POFUT2: variants seen among roughly 807,000 people sequenced by gnomAD.
POFUT2 encodes the protein GDP-fucose protein O-fucosyltransferase 2.
Under a neutral mutation model 55.0 loss-of-function variants are expected in POFUT2, and 30 were observed. The ratio of observed to expected loss-of-function variants is 0.55; its 90% CI spans 0.41 to 0.74. POFUT2 has a LOEUF of 0.74. POFUT2 is among the 30% of genes least tolerant of loss of function. POFUT2 has a pLI of 0.00. For synonymous variants in POFUT2, 267 were observed against 231.1 expected, an observed-to-expected ratio of 1.16 and a Z score of -1.41; for missense variants, 524 against 562.6, an observed-to-expected ratio of 0.93 and a Z score of 0.69.
chr21:45,277,300 G>T lies in POFUT2; in HGVS notation c.706-158C>A. The T allele has an allele frequency of 1.0e-6, 1 of 980,596 alleles. No individual in the cohort carries two copies. The highest frequency in any genetic ancestry group is 1.5e-6 in the Non-Finnish European group (1 of 684,120). 60.7% of individuals were successfully genotyped at this position (980,596 alleles called of 1,614,324 possible). A position where few individuals can be genotyped will look rare whatever the true frequency, so the allele number is the denominator to read the frequency against. ...CGCCTGAGAAGCAGCGCCATCCACG[G>T]TGGAGGCTCTTGGAGGGTCTCCTGC... is the stretch of plus-strand genomic sequence containing the variant. On this transcript the variant is annotated intron_variant, in intron 5 of 8. Transcript: ENST00000349485. This position sits in a 1 kb window ranked among gnomAD's most constrained non-coding sequence, Gnocchi z 6.9.
intron 8 of POFUT2, chr21:45,266,041 G>A: frequency 8.2e-7 from 1 of 1,225,020 alleles, no homozygotes; most frequent in Non-Finnish European, 1.0e-6. Flanking sequence ...TCTAGCCAGG[G>A]CATGGCGGGT....
At chr21:45,279,921 C>T (rs567003832) in intron 4 of POFUT2, among the ~76,000 whole-genome samples, 1 of 152,344 alleles carries the variant, frequency 6.6e-6, no homozygotes, top group East Asian at 1.9e-4. Flanking sequence ...CAAAAGATGG[C>T]TGCATGCACA....
In POFUT2 at chr21:45,267,154, C is replaced by G. The variant is rs1224954052; in HGVS notation, c.1136+436G>C. 1 of 1,272,502 alleles carries G rather than the reference C, an allele frequency of 7.9e-7. No individual in the cohort carries two copies. Among genetic ancestry groups the G allele is most frequent in the Non-Finnish European group, 1.0e-6 (1 of 1,000,340 alleles). The allele number at this position is 1,272,502 out of a possible 1,614,324, so 78.8% of individuals were successfully genotyped here. ...AGCCTTGGGGACGCTCATGGCAGCC[C>G]CACGAGAATGATCACACGAGGGCCC... On this transcript the variant is annotated intron_variant, in intron 8 of 8. Coordinates refer to ENST00000349485, the MANE Select transcript of POFUT2 (RefSeq NM_133635.6). This position sits in a 1 kb window ranked among gnomAD's most constrained non-coding sequence, Gnocchi z 4.4.
At position 45,283,509 on chromosome 21, in the gene POFUT2, A is replaced by G. The variant is rs2031016851; in HGVS notation, c.401T>C (p.Ile134Thr). 1.2e-6 allele frequency: 2 copies of G among 1,613,846 alleles called. No individual in the cohort carries two copies. The highest frequency in any genetic ancestry group is 1.3e-5 in the African/African-American group (1 of 74,996). Residue 134 changes from isoleucine to threonine, a missense_variant, in exon 3 of 9, where the codon ATT becomes ACT. By Grantham distance (89) the Ile-to-Thr change is moderately conservative (BLOSUM62 -1). Coordinates refer to ENST00000349485, the MANE Select transcript of POFUT2 (RefSeq NM_133635.6). ...ACTTTGCAGGACGTAAACCTGGTCA[A>G]TAAAGGGCCCACCAGATTCTGAAAG... ...QFIAESGGPFIDQVYVLQSYA... is the reference protein window; with the variant it reads ...QFIAESGGPFTDQVYVLQSYA...
At chr21:45,276,775 CG>C (rs1233217933) in intron 6 of POFUT2, among the ~76,000 whole-genome samples, 2 of 152,138 alleles carry the variant, frequency 1.3e-5, no homozygotes, top group African/African-American at 2.4e-5. Flanking sequence ...CATGACTGCC[CG>C]TGTTACTAAA....
intron 7 of POFUT2, among the ~76,000 whole-genome samples, chr21:45,268,407 C>T (rs1329867290): frequency 4.6e-5 from 7 of 151,928 alleles, no homozygotes; most frequent in South Asian, 2.1e-4. Flanking sequence ...GCCGCCACCC[C>T]ATCTGGGAAG....
rs1277431380 is a variant in POFUT2 at position 45,268,824 on chromosome 21, C to A, written c.1012+1015G>T. 1.8e-4 allele frequency among the ~76,000 whole-genome samples: 26 copies of A among 143,252 alleles called. 1 individual carries two copies. The highest frequency in any genetic ancestry group is 8.5e-4 in the East Asian group (4 of 4,718). The allele number at this position is 143,252 out of a possible 152,430, so 94.0% of individuals were successfully genotyped here. ...CCGGGAGGGAGGTGGGGGGGTCAGC[C>A]CTCCGCCCGGCCAGCCGCCCCGTCC... On this transcript the variant is annotated intron_variant, in intron 7 of 8. Transcript: ENST00000349485.
At position 45,276,758 on chromosome 21, in the gene POFUT2, G is replaced by C. The variant is rs983181036; in HGVS notation, c.831+259C>G. 2.6e-5 allele frequency among the ~76,000 whole-genome samples: 4 copies of C among 152,090 alleles called. No homozygotes were observed. The East Asian group carries it at 7.7e-4, about 29-fold the overall frequency. ...TCTGAGAACACCTTTGAGTCCGCTG[G>C]GCCTGCCATGACTGCCCGTGTTACT... is the stretch of plus-strand genomic sequence containing the variant. On this transcript the variant is annotated intron_variant, in intron 6 of 8. Transcript: ENST00000349485.
At chr21:45,275,280 G>A (rs543474452) in intron 6 of POFUT2, among the ~76,000 whole-genome samples, 21 of 152,256 alleles carry the variant, frequency 1.4e-4, no homozygotes, top group African/African-American at 4.8e-4. Flanking sequence ...AATGGATGTC[G>A]GCACGGATGC....
chr21:45,266,962 C>T (rs1403303679), intron 8 of POFUT2: 3 of 1,026,486 alleles, frequency 2.9e-6, no homozygotes, highest in East Asian at 1.9e-4. Context: ...CCAGGCGTAC[C>T]TCCCACAGCA....
At chr21:45,287,064 C>G (rs1020469678) in intron 1 of POFUT2, among the ~76,000 whole-genome samples, 23 of 152,130 alleles carry the variant, frequency 1.5e-4, no homozygotes, top group African/African-American at 5.5e-4. Context: ...GAGGCTGCGC[C>G]CCGGGCCTCG....
At chr21:45,279,219 G>A (rs564541773) in intron 4 of POFUT2, among the ~76,000 whole-genome samples, 44 of 152,110 alleles carry the variant, frequency 2.9e-4, no homozygotes, top group South Asian at 2.1e-4. Context: ...GTGAAACCCC[G>A]TCTCTACTAA....
intron 1 of POFUT2, among the ~76,000 whole-genome samples, chr21:45,286,804 C>G (rs985798125): frequency 2.6e-5 from 4 of 152,250 alleles, no homozygotes; most frequent in African/African-American, 9.6e-5. Context: ...CGTGCAGCGC[C>G]CAGGCCTGCG....
chr21:45,269,327 C>T lies in POFUT2; in HGVS notation c.1012+512G>A, dbSNP rs1028686503. Among the ~76,000 whole-genome samples the T allele has an allele frequency of 3.9e-3, 592 of 152,260 alleles. 6 individuals are homozygous for T. The highest frequency in any genetic ancestry group is 0.013 in the African/African-American group (556 of 41,550). On this transcript the variant is annotated intron_variant, in intron 7 of 8. Coordinates refer to ENST00000349485, the MANE Select transcript of POFUT2 (RefSeq NM_133635.6). Reference sequence around the variant, plus strand: ...TGAGAACAGGCCAGGATGACAATGGCGGCTTTGTGGAATAGAAAGGCGGGA... The same window carrying T: ...TGAGAACAGGCCAGGATGACAATGGTGGCTTTGTGGAATAGAAAGGCGGGA...
At chr21:45,283,093 A>G (rs2030893604) in intron 3 of POFUT2, among the ~76,000 whole-genome samples, 1 of 151,518 alleles carries the variant, frequency 6.6e-6, no homozygotes, top group Non-Finnish European at 1.5e-5. Flanking sequence ...CGCTACCACC[A>G]CAAGGGCCGC....
chr21:45,280,170 G>A (rs551750525), intron 4 of POFUT2, among the ~76,000 whole-genome samples: 4 of 152,328 alleles, frequency 2.6e-5, no homozygotes, highest in Admixed American at 1.3e-4. Context: ...GGAAGAAAGC[G>A]CTTCACACAC....
At position 45,265,100 on chromosome 21, in the gene POFUT2, G is replaced by A. The variant is rs995406208; in HGVS notation, c.*382C>T. 7.3e-5 allele frequency: 12 copies of A among 164,632 alleles called. No individual in the cohort carries two copies. Among genetic ancestry groups the A allele is most frequent in the Admixed American group, 5.7e-4 (9 of 15,668 alleles). 10.2% of individuals were successfully genotyped at this position (164,632 alleles called of 1,614,324 possible). A position where few individuals can be genotyped will look rare whatever the true frequency, so the allele number is the denominator to read the frequency against. The stretch of plus-strand genomic sequence containing the variant: ...CCACCTGACGGAGGGCAGCTCACCC[G>A]CCTGCATCTATCCTCAATGCACTTA... On this transcript the variant is annotated 3_prime_UTR_variant, in exon 9 of 9. Coordinates refer to ENST00000349485, the MANE Select transcript of POFUT2 (RefSeq NM_133635.6). This position sits in a 1 kb window ranked among gnomAD's most constrained non-coding sequence, Gnocchi z 4.6.
In POFUT2 at chr21:45,264,714, AGGGGTGGCCAGTGGGGGCGAGGGT is replaced by A. The variant is rs2093139063; in HGVS notation, c.*744_*767del. ...TGGGGCGGGGCAGTCGGGGCGAGGG[AGGGGTGGCCAGTGGGGGCGAGGGT>A]GGGTGGCCAGCCGGGCCTGGTGTGA... On this transcript the variant is annotated 3_prime_UTR_variant, in exon 9 of 9. Coordinates refer to ENST00000349485, the MANE Select transcript of POFUT2 (RefSeq NM_133635.6). The A allele has an allele frequency of 3.2e-5, 1 of 31,126 alleles. No individual in the cohort carries two copies. The highest frequency in any genetic ancestry group is 6.8e-5 in the Non-Finnish European group (1 of 14,752). 1.9% of individuals were successfully genotyped at this position (31,126 alleles called of 1,614,324 possible).
chr21:45,265,672 A>G lies in POFUT2; in HGVS notation c.1137-37T>C. On this transcript the variant is annotated intron_variant, in intron 8 of 8. Transcript: ENST00000349485. The surrounding 1 kb of genome is among the most constrained non-coding windows in gnomAD (Gnocchi z 4.6). ...CACAGAGGTTCCAGAGTCAGGGAGA[A>G]CTGGCGTCACAGAGGTTCCAGAGTC... 3.9e-6 allele frequency: 3 copies of G among 775,854 alleles called. No individual in the cohort carries two copies. The highest frequency in any genetic ancestry group is 5.4e-5 in the African/African-American group (2 of 37,024). The allele number at this position is 775,854 out of a possible 1,614,324, so 48.1% of individuals were successfully genotyped here.
Sources: allele counts gnomAD v4.1 joint callset (sites outside exome capture counted in the v4.1 genomes callset), GRCh38; gene constraint gnomAD v4.1.1; non-coding constraint Gnocchi (gnomAD v3.1); transcripts MANE v1.5; gene names NCBI Gene and HGNC (gene_info 2026-07-23, HGNC 2026-07-21).